The following THAP12 variants were observed in gnomAD, a reference collection of about 807,000 sequenced individuals.
The protein encoded by THAP12 is 52 kDa repressor of the inhibitor of the protein kinase.
In THAP12, 20 loss-of-function variants were observed where a neutral mutation model predicts 63.0. The ratio of observed to expected loss-of-function variants is 0.32; its 90% CI spans 0.22 to 0.46. The LOEUF (loss-of-function observed/expected upper bound fraction) is 0.46. Among genes scored for constraint, THAP12 ranks in the 20% least tolerant of loss-of-function variants. The pLI, the probability that THAP12 is intolerant of heterozygous loss-of-function variation, is 1.00. For missense variants in THAP12, 568 were observed against 908.2 expected, an observed-to-expected ratio of 0.63 and a Z score of 4.81; for synonymous variants, 264 against 328.4, an observed-to-expected ratio of 0.80 and a Z score of 2.12.
intron 2 of THAP12, among the ~76,000 whole-genome samples, chr11:76,364,699 C>T (rs537435195): frequency 2.2e-4 from 33 of 152,292 alleles, no homozygotes; most frequent in African/African-American, 7.7e-4. Flanking sequence ...CTTGGCCAAG[C>T]TCACACAGTT....
At position 76,350,717 on chromosome 11, in the gene THAP12, G is replaced by A. The variant is rs549867763; in HGVS notation, c.*147C>T. 3.9e-4 allele frequency: 223 copies of A among 575,140 alleles called. 1 individual carries two copies. In the South Asian group the frequency reaches 0.011, roughly 29 times the overall value. 35.6% of individuals were successfully genotyped at this position (575,140 alleles called of 1,614,324 possible). A position where few individuals can be genotyped will look rare whatever the true frequency, so the allele number is the denominator to read the frequency against. On this transcript the variant is annotated 3_prime_UTR_variant, in exon 5 of 5. Transcript: ENST00000260045. ...TTCAAAGCTTGAGAGTTCAAACAGG[G>A]GCCATTTAAACAGGTAGATTATCAA...
intron 1 of THAP12, among the ~76,000 whole-genome samples, chr11:76,374,621 AC>A (rs2134516195): frequency 6.6e-6 from 1 of 152,354 alleles, no homozygotes; most frequent in African/African-American, 2.4e-5. Flanking sequence ...AAAACACAAC[AC>A]AAAATTTATC....
intron 1 of THAP12, chr11:76,368,659 C>A (rs970584979): frequency 6.6e-6 from 1 of 152,150 alleles, no homozygotes; most frequent in African/African-American, 2.4e-5. Context: ...TGAACAGCAG[C>A]AAATATGGAT....
intron 1 of THAP12, among the ~76,000 whole-genome samples, chr11:76,371,465 T>C (rs1289663739): frequency 6.6e-6 from 1 of 152,224 alleles, no homozygotes; most frequent in Non-Finnish European, 1.5e-5. Context: ...TGAATATGTA[T>C]GCACACAGAA....
At chr11:76,374,009 G>A (rs969586328) in intron 1 of THAP12, among the ~76,000 whole-genome samples, 4 of 151,992 alleles carry the variant, frequency 2.6e-5, no homozygotes, top group African/African-American at 7.3e-5. Context: ...TCTCTTTAAC[G>A]TCCAGCTTAA....
intron 1 of THAP12, among the ~76,000 whole-genome samples, chr11:76,372,826 G>A (rs1301981644): frequency 6.6e-6 from 1 of 152,106 alleles, no homozygotes; most frequent in Non-Finnish European, 1.5e-5. Flanking sequence ...GATGGAGACT[G>A]CAGTGAGCAA....
At chr11:76,372,046 G>C (rs982232449) in intron 1 of THAP12, among the ~76,000 whole-genome samples, 2 of 152,004 alleles carry the variant, frequency 1.3e-5, no homozygotes, top group Non-Finnish European at 1.5e-5. Context: ...CCCCTGACCA[G>C]GTGATCCACC....
intron 2 of THAP12, among the ~76,000 whole-genome samples, chr11:76,362,074 G>A (rs1029261376): frequency 7.2e-5 from 11 of 152,076 alleles, no homozygotes; most frequent in Admixed American, 2.0e-4. Flanking sequence ...AGATGGTAAC[G>A]GTCCTACTGC....
At chr11:76,365,646 CA>C (rs1946626395) in intron 2 of THAP12, among the ~76,000 whole-genome samples, 1 of 152,150 alleles carries the variant, frequency 6.6e-6, no homozygotes, top group Admixed American at 6.5e-5. Context: ...CTCGGCCTCC[CA>C]AAGTGCTGGG....
Position 76,351,845 on chromosome 11 carries a change from T to C in THAP12, c.1305A>G (p.Glu435=). The C allele has an allele frequency of 1.2e-6, 2 of 1,600,772 alleles. No individual in the cohort carries two copies. Among genetic ancestry groups the C allele is most frequent in the Non-Finnish European group, 1.7e-6 (2 of 1,172,924 alleles). ...SQWTGRHDAF[E]ILVELLQALV... Reference sequence around the variant, plus strand: ...GTGCTTGCAGGAGTTCCACTAAAATTTCAAAAGCATCATGCCTGCCTGTCC... The same window carrying C: ...GTGCTTGCAGGAGTTCCACTAAAATCTCAAAAGCATCATGCCTGCCTGTCC... Residue 435 remains glutamate (E), a synonymous_variant, in exon 5 of 5, where the codon GAA becomes GAG. Transcript: ENST00000260045.
intron 1 of THAP12, among the ~76,000 whole-genome samples, chr11:76,379,494 T>A (rs916079032): frequency 6.6e-6 from 1 of 152,198 alleles, no homozygotes; most frequent in Admixed American, 6.5e-5. Context: ...CTCACCTCTC[T>A]CCCAGTCCCT....
intron 3 of THAP12, among the ~76,000 whole-genome samples, chr11:76,359,878 A>G (rs11236733): frequency 0.052 from 7,953 of 152,190 alleles, 298 homozygotes; most frequent in Middle Eastern, 0.11. Flanking sequence ...AATAGTTAAG[A>G]AAAAGAAGAG....
At chr11:76,356,718 A>C (rs1946563698) in intron 3 of THAP12, 1 of 152,218 alleles carries the variant, frequency 6.6e-6, no homozygotes, top group Admixed American at 6.5e-5. Flanking sequence ...AAATGTATTA[A>C]GTATCATAAA....
Position 76,360,939 on chromosome 11 carries a change from A to C in THAP12, c.318+17T>G. The C allele has an allele frequency of 6.5e-7, 1 of 1,529,814 alleles. No homozygotes were observed. The highest frequency in any genetic ancestry group is 1.1e-5 in the South Asian group (1 of 88,018). 94.8% of individuals were successfully genotyped at this position (1,529,814 alleles called of 1,614,324 possible). ...ATTATGGGGGAAGGTGGGAAAGCTG[A>C]AAGTACATAGACATACCAGTTCTTT... On this transcript the variant is annotated intron_variant, in intron 3 of 4. Transcript: ENST00000260045.
At chr11:76,362,961 G>C (rs1192468990) in intron 2 of THAP12, among the ~76,000 whole-genome samples, 1 of 152,038 alleles carries the variant, frequency 6.6e-6, no homozygotes, top group Non-Finnish European at 1.5e-5. Flanking sequence ...TAGGTAACAC[G>C]GCAAAACTCC....
chr11:76,379,762 C>T (rs1946737759), intron 1 of THAP12, among the ~76,000 whole-genome samples: 1 of 152,106 alleles, frequency 6.6e-6, no homozygotes, highest in South Asian at 2.1e-4. Flanking sequence ...TTATTCCCCC[C>T]CCATTAGAAT....
intron 4 of THAP12, among the ~76,000 whole-genome samples, chr11:76,354,326 T>C (rs900602436): frequency 3.3e-5 from 5 of 152,200 alleles, no homozygotes. Context: ...AGTGGTTCTA[T>C]ACTAGGGAGG....
intron 1 of THAP12, among the ~76,000 whole-genome samples, chr11:76,375,186 G>GA (rs1444634481): frequency 1.3e-5 from 2 of 152,144 alleles, no homozygotes; most frequent in Non-Finnish European, 2.9e-5. Context: ...AAGAACCTTG[G>GA]AAGCCCTCAC....
At chr11:76,376,263 A>G (rs761592616) in intron 1 of THAP12, among the ~76,000 whole-genome samples, 6 of 152,256 alleles carry the variant, frequency 3.9e-5, no homozygotes, top group Non-Finnish European at 8.8e-5. Flanking sequence ...TACACTTTAC[A>G]TGGGTGAATT....
Sources: allele counts gnomAD v4.1 joint callset (sites outside exome capture counted in the v4.1 genomes callset), GRCh38; gene constraint gnomAD v4.1.1; transcripts MANE v1.5; gene names NCBI Gene and HGNC (gene_info 2026-07-23, HGNC 2026-07-21).